The following TENM3 variants were observed in gnomAD, a reference collection of about 807,000 sequenced individuals.
TENM3 encodes the protein teneurin-3.
A neutral mutation model predicts 255.1 loss-of-function variants in TENM3; 63 were observed. The observed-to-expected ratio is 0.25, with a 90% CI of 0.20 to 0.30. TENM3 has a LOEUF of 0.30. TENM3 is among the 10% of genes least tolerant of loss of function. The pLI is 1.00. For synonymous variants in TENM3, 1,306 were observed against 1,322.3 expected (o/e 0.99, Z 0.27); for missense variants, 2,929 against 3,461.1 (o/e 0.85, Z 3.86).
At chr4:181,774,907 C>G in the TENM3 span, among the ~76,000 whole-genome samples, 1 of 132,050 alleles carries the variant, frequency 7.6e-6, no homozygotes. Flanking sequence ...ATTGTAGATT[C>G]TGGATATTAG....
chr4:182,409,187 A>C (rs547902530), intron 3 of TENM3, among the ~76,000 whole-genome samples: 1 of 152,200 alleles, frequency 6.6e-6, no homozygotes, highest in East Asian at 1.9e-4. Context: ...GGTGAAGGCC[A>C]TGCATGCATC....
chr4:181,520,015 G>A, the TENM3 span, among the ~76,000 whole-genome samples: 1 of 152,176 alleles, frequency 6.6e-6, no homozygotes, highest in African/African-American at 2.4e-5. Context: ...ATACCCACAT[G>A]GAACTCAGGC....
At chr4:181,783,696 G>C in the TENM3 span, among the ~76,000 whole-genome samples, 1 of 152,074 alleles carries the variant, frequency 6.6e-6, no homozygotes, top group African/African-American at 2.4e-5. Context: ...TGTTTGGTTT[G>C]GTTTGGAATT....
intron 3 of TENM3, among the ~76,000 whole-genome samples, chr4:182,548,063 A>G (rs960904578): frequency 1.3e-5 from 2 of 151,850 alleles, no homozygotes; most frequent in African/African-American, 4.8e-5. Context: ...ACAAAAATAA[A>G]ATATAAAAAA....
At chr4:181,971,030 C>T in the TENM3 span, among the ~76,000 whole-genome samples, 15 of 152,246 alleles carry the variant, frequency 9.9e-5, no homozygotes, top group African/African-American at 3.6e-4. Context: ...TCACTGCAGC[C>T]TCGAACTCCT....
At chr4:181,753,333 A>G in the TENM3 span, among the ~76,000 whole-genome samples, 1 of 152,168 alleles carries the variant, frequency 6.6e-6, no homozygotes, top group African/African-American at 2.4e-5. Context: ...AAGCATGAGC[A>G]GAGGCAACCT....
intron 1 of TENM3, among the ~76,000 whole-genome samples, chr4:182,199,224 G>T (rs1754025309): frequency 6.6e-6 from 1 of 152,054 alleles, no homozygotes; most frequent in Non-Finnish European, 1.5e-5. Context: ...AGAACTTTGG[G>T]AGGCCAAGAC....
the TENM3 span, among the ~76,000 whole-genome samples, chr4:181,838,954 TATTA>T: frequency 6.6e-6 from 1 of 151,822 alleles, no homozygotes; most frequent in African/African-American, 2.4e-5. Context: ...ATGTTTTATT[TATTA>T]ATTCTTAGTC....
Position 182,793,764 on chromosome 4 carries a change from G to C in TENM3, c.7092G>C (p.Trp2364Cys). 4 of 1,613,944 alleles carry C rather than the reference G, an allele frequency of 2.5e-6. No individual in the cohort carries two copies. Among genetic ancestry groups the C allele is most frequent in the Non-Finnish European group, 3.4e-6 (4 of 1,179,860 alleles). Reference sequence around the variant, plus strand: ...ATTATGACATTTTGGCAGGACGGTGGACAACACCTGACATAGAAATCTGGA... The same window carrying C: ...ATTATGACATTTTGGCAGGACGGTGCACAACACCTGACATAGAAATCTGGA... ...ERDYDILAGR[W>C]TTPDIEIWKR... Residue 2364 changes from tryptophan (W) to cysteine (C), a missense_variant, in exon 26 of 28, where the codon TGG (tryptophan) becomes TGC (cysteine). Transcript: ENST00000511685. This position sits in a 1 kb window ranked among gnomAD's most constrained non-coding sequence, Gnocchi z 5.7.
intron 1 of TENM3, among the ~76,000 whole-genome samples, chr4:182,225,767 A>G (rs1756109267): frequency 6.6e-6 from 1 of 152,190 alleles, no homozygotes; most frequent in African/African-American, 2.4e-5. Flanking sequence ...GTCAGGGAAG[A>G]AAGTGGCTTT....
At chr4:182,046,302 C>A in the TENM3 span, among the ~76,000 whole-genome samples, 16 of 152,096 alleles carry the variant, frequency 1.1e-4, no homozygotes, top group African/African-American at 3.9e-4. Flanking sequence ...CTTTTTATAT[C>A]TCAGTTTCTT....
At chr4:181,863,759 G>T in the TENM3 span, among the ~76,000 whole-genome samples, 3 of 151,890 alleles carry the variant, frequency 2.0e-5, no homozygotes, top group East Asian at 5.8e-4. Context: ...TCTTGATTGT[G>T]GCTCACTTAC....
chr4:182,172,480 T>C (rs1176372351), intron 1 of TENM3, among the ~76,000 whole-genome samples: 1 of 152,226 alleles, frequency 6.6e-6, no homozygotes, highest in Non-Finnish European at 1.5e-5. Context: ...CTTAGAAATT[T>C]GACTTCATTC....
At chr4:182,078,157 T>C in the TENM3 span, among the ~76,000 whole-genome samples, 1 of 151,854 alleles carries the variant, frequency 6.6e-6, no homozygotes. Flanking sequence ...GCCCAGGAGT[T>C]TGAGGCTGCA....
chr4:182,385,652 T>A (rs565636852), intron 3 of TENM3, among the ~76,000 whole-genome samples: 1 of 152,338 alleles, frequency 6.6e-6, no homozygotes, highest in South Asian at 2.1e-4. Context: ...TTAAAAGTTA[T>A]TTTTTAAATG....
the TENM3 span, among the ~76,000 whole-genome samples, chr4:181,777,684 T>C: frequency 6.6e-6 from 1 of 151,866 alleles, no homozygotes; most frequent in Non-Finnish European, 1.5e-5. Context: ...CTGATTCCTA[T>C]TGCTAATGTA....
the TENM3 span, among the ~76,000 whole-genome samples, chr4:181,810,419 C>G: frequency 3.9e-5 from 6 of 151,998 alleles, no homozygotes; most frequent in African/African-American, 1.4e-4. Flanking sequence ...CCTTTCCTCT[C>G]TGTTTTAAAA....
chr4:181,447,713 T>A, the TENM3 span, among the ~76,000 whole-genome samples: 1 of 152,162 alleles, frequency 6.6e-6, no homozygotes, highest in Non-Finnish European at 1.5e-5. Flanking sequence ...CCCGCTGTGT[T>A]TGCTGACAGC....
chr4:182,277,326 T>G (rs1030936858), intron 1 of TENM3, among the ~76,000 whole-genome samples: 1 of 151,682 alleles, frequency 6.6e-6, no homozygotes, highest in African/African-American at 2.4e-5. Context: ...TAGGCAAGTA[T>G]GTTCACAGAG....
Sources: allele counts gnomAD v4.1 joint callset (sites outside exome capture counted in the v4.1 genomes callset), GRCh38; gene constraint gnomAD v4.1.1; non-coding constraint Gnocchi (gnomAD v3.1); transcripts MANE v1.5; gene names NCBI Gene and HGNC (gene_info 2026-07-23, HGNC 2026-07-21).